OGFRL1: variants seen among roughly 807,000 people sequenced by gnomAD.
OGFRL1 encodes the protein opioid growth factor receptor-like protein 1.
Under a neutral mutation model 32.4 loss-of-function variants are expected in OGFRL1, and 26 were observed. The ratio of observed to expected loss-of-function variants is 0.80; its 90% CI spans 0.59 to 1.11. OGFRL1 has a LOEUF of 1.11. Among genes scored for constraint, OGFRL1 ranks in the 50% most tolerant of loss-of-function variants. The pLI, the probability that OGFRL1 is intolerant of heterozygous loss-of-function variation, is 0.00. For synonymous variants in OGFRL1, 211 were observed against 201.2 expected, an observed-to-expected ratio of 1.05 and a Z score of -0.41; for missense variants, 521 against 546.4, an observed-to-expected ratio of 0.95 and a Z score of 0.46.
At chr6:71,293,900 TTC>T (rs982401050) in intron 3 of OGFRL1, among the ~76,000 whole-genome samples, 63 of 152,308 alleles carry the variant, frequency 4.1e-4, no homozygotes, top group Admixed American at 7.2e-4. Context: ...AAATTCAGCT[TTC>T]TCATCTCAAA....
At chr6:71,296,623 T>G in intron 5 of OGFRL1, 49 bp from the exon 6 acceptor site, 5 of 1,608,322 alleles carry the variant, frequency 3.1e-6, no homozygotes, top group Non-Finnish European at 4.2e-6. Flanking sequence ...TTCACTGTCC[T>G]TGTAGCTACT....
At chr6:71,297,467 C>T (rs1020227934) in intron 6 of OGFRL1, among the ~76,000 whole-genome samples, 1 of 151,912 alleles carries the variant, frequency 6.6e-6, no homozygotes, top group African/African-American at 2.4e-5. Flanking sequence ...TACTCATAAC[C>T]AAAGTTTATT....
chr6:71,299,137 C>T (rs1309146784), intron 6 of OGFRL1, among the ~76,000 whole-genome samples: 1 of 152,084 alleles, frequency 6.6e-6, no homozygotes, highest in Non-Finnish European at 1.5e-5. Flanking sequence ...AGCCTTTTAA[C>T]TTTTATTTTT....
chr6:71,290,372 T>G (rs1766010625), intron 1 of OGFRL1, among the ~76,000 whole-genome samples: 1 of 152,236 alleles, frequency 6.6e-6, no homozygotes, highest in Admixed American at 6.5e-5. Context: ...TAATTCAATC[T>G]TATTAAATTA....
chr6:71,296,304 A>G lies in OGFRL1; in HGVS notation c.401-13A>G. On this transcript the variant is annotated splice_polypyrimidine_tract_variant and intron_variant, in intron 3 of 6. Transcript: ENST00000370435. ...TGAAATGTCTGGTTCATTTTTAAAT[A>G]TTTACTATTTAGGTGTTTACATTGA... The G allele has an allele frequency of 6.6e-7, 1 of 1,526,450 alleles. No individual in the cohort carries two copies. Among genetic ancestry groups the G allele is most frequent in the Non-Finnish European group, 9.0e-7 (1 of 1,109,434 alleles). The allele number at this position is 1,526,450 out of a possible 1,614,324, so 94.6% of individuals were successfully genotyped here. A position where few individuals can be genotyped will look rare whatever the true frequency, so the allele number is the denominator to read the frequency against.
At position 71,288,934 on chromosome 6, in the gene OGFRL1, T is replaced by C. The variant is rs1173246362; in HGVS notation, c.-3T>C. 1 of 1,359,088 alleles carries C rather than the reference T, an allele frequency of 7.4e-7. No individual in the cohort carries two copies. The highest frequency in any genetic ancestry group is 9.6e-7 in the Non-Finnish European group (1 of 1,039,434). 84.2% of individuals were successfully genotyped at this position (1,359,088 alleles called of 1,614,324 possible). On this transcript the variant is annotated 5_prime_UTR_variant, in exon 1 of 7. Coordinates refer to ENST00000370435, the MANE Select transcript of OGFRL1 (RefSeq NM_024576.5). ...CAGCCCCGCGCCCGCCGCCGCCTCT[T>C]CAATGGGCAACCTGCTCGGCGGGGT... is the stretch of plus-strand genomic sequence containing the variant.
chr6:71,292,892 A>G (rs1766091225), intron 1 of OGFRL1, among the ~76,000 whole-genome samples: 1 of 152,216 alleles, frequency 6.6e-6, no homozygotes, highest in South Asian at 2.1e-4. Context: ...TAGTAACTTA[A>G]CACATTCTTA....
intron 3 of OGFRL1, among the ~76,000 whole-genome samples, chr6:71,293,951 T>A (rs1361867077): frequency 6.6e-6 from 1 of 152,188 alleles, no homozygotes; most frequent in Non-Finnish European, 1.5e-5. Flanking sequence ...GTCACTCGAT[T>A]GCAGGTTCTA....
At chr6:71,289,350 A>G in intron 1 of OGFRL1, 180 bp downstream of exon 1, 1 of 984,428 alleles carries the variant, frequency 1.0e-6, no homozygotes. Context: ...GGCCTGCAGG[A>G]GCCCAAAGCG....
rs1230881456 is a variant in OGFRL1 at position 71,307,951 on chromosome 6, A to G, written c.*5902A>G. On this transcript the variant is annotated 3_prime_UTR_variant, in exon 7 of 7. Coordinates refer to ENST00000370435, the MANE Select transcript of OGFRL1 (RefSeq NM_024576.5). ...TGGAAGCAGGTGACGAATGATTAAG[A>G]AAAGCTTTATTGTGGGGACATGCTT... 6.6e-6 allele frequency: 1 copy of G among 152,244 alleles called. No individual in the cohort carries two copies. Among genetic ancestry groups the G allele is most frequent in the Non-Finnish European group, 1.5e-5 (1 of 68,058 alleles). 9.4% of individuals were successfully genotyped at this position (152,244 alleles called of 1,614,324 possible).
At chr6:71,298,904 T>A (rs1766296590) in intron 6 of OGFRL1, among the ~76,000 whole-genome samples, 1 of 152,164 alleles carries the variant, frequency 6.6e-6, no homozygotes, top group South Asian at 2.1e-4. Flanking sequence ...TCTTGAGTAG[T>A]TTACAGTAGG....
chr6:71,290,265 CAA>C (rs1032935399), intron 1 of OGFRL1, among the ~76,000 whole-genome samples: 1 of 152,162 alleles, frequency 6.6e-6, no homozygotes, highest in African/African-American at 2.4e-5. Context: ...GATGCAAACC[CAA>C]GTCTATCTAT....
Position 71,293,568 on chromosome 6 carries a change from C to T in OGFRL1, c.357C>T (p.Ser119=). 1 of 1,612,870 alleles carries T rather than the reference C, an allele frequency of 6.2e-7. No homozygotes were observed. Among genetic ancestry groups the T allele is most frequent in the Admixed American group, 1.7e-5 (1 of 59,920 alleles). ...ATATCCGATATCAAAATGACTTGAG[C>T]AATCTTCGTTTTTATAAGAATAAAA... ...FKDIRYQNDL[S]NLRFYKNKIP... Residue 119 remains serine, a synonymous_variant, in exon 3 of 7, where the codon AGC becomes AGT. Transcript: ENST00000370435.
At chr6:71,293,663 G>C (rs1192471361) in intron 3 of OGFRL1, 52 bp downstream of exon 3, 2 of 1,209,070 alleles carry the variant, frequency 1.7e-6, no homozygotes, top group Admixed American at 1.8e-5. Context: ...ACATACACTT[G>C]GTTATTCTTT....
intron 3 of OGFRL1, chr6:71,295,843 A>G (rs1766188431): frequency 6.6e-6 from 1 of 151,992 alleles, no homozygotes; most frequent in East Asian, 1.9e-4. Context: ...GATCCAATTT[A>G]GCATTTAAAG....
chr6:71,291,557 G>A (rs978378913), intron 1 of OGFRL1: 2 of 152,170 alleles, frequency 1.3e-5, no homozygotes, highest in African/African-American at 4.8e-5. Flanking sequence ...CAGGAAAGAG[G>A]AACAATATTG....
At position 71,308,514 on chromosome 6, in the gene OGFRL1, T is replaced by C. The variant is rs1043439795; in HGVS notation, c.*6465T>C. 6.6e-6 allele frequency: 1 copy of C among 152,212 alleles called. No homozygotes were observed. Among genetic ancestry groups the C allele is most frequent in the Non-Finnish European group, 1.5e-5 (1 of 68,034 alleles). The allele number at this position is 152,212 out of a possible 1,614,324, so 9.4% of individuals were successfully genotyped here. A position where few individuals can be genotyped will look rare whatever the true frequency, so the allele number is the denominator to read the frequency against. On this transcript the variant is annotated 3_prime_UTR_variant, in exon 7 of 7. Coordinates refer to ENST00000370435, the MANE Select transcript of OGFRL1 (RefSeq NM_024576.5). ...GTTACAAAGATGTGTGTTTTACTTA[T>C]AACATAAGCTCTGATTCTCCAGTGG... is the stretch of plus-strand genomic sequence containing the variant.
intron 1 of OGFRL1, chr6:71,291,518 A>G (rs1561945916): frequency 6.6e-6 from 1 of 152,224 alleles, no homozygotes. Context: ...TTTGTTTGAG[A>G]TCGAGAAGAG....
At chr6:71,292,523 G>A (rs1459782889) in intron 1 of OGFRL1, among the ~76,000 whole-genome samples, 2 of 152,130 alleles carry the variant, frequency 1.3e-5, no homozygotes, top group Non-Finnish European at 2.9e-5. Context: ...AATGCAAATC[G>A]ATTATTTTAA....
Sources: allele counts gnomAD v4.1 joint callset (sites outside exome capture counted in the v4.1 genomes callset), GRCh38; gene constraint gnomAD v4.1.1; transcripts MANE v1.5; gene names NCBI Gene and HGNC (gene_info 2026-07-23, HGNC 2026-07-21).